Variants in EFL1 observed in about 807,000 individuals in gnomAD.
EFL1 encodes the protein elongation factor-like GTPase 1.
Under a neutral mutation model 126.7 loss-of-function variants are expected in EFL1, and 76 were observed. The ratio of observed to expected loss-of-function variants is 0.60; its 90% CI spans 0.50 to 0.73. EFL1 has a LOEUF of 0.73. EFL1 is among the 30% of genes least tolerant of loss of function. The pLI, the probability that EFL1 is intolerant of heterozygous loss-of-function variation, is 0.00. For synonymous variants in EFL1, 410 were observed against 448.4 expected (o/e 0.91, Z 1.08); for missense variants, 1,128 against 1,343.2 (o/e 0.84, Z 2.50).
intron 15 of EFL1, among the ~76,000 whole-genome samples, chr15:82,180,359 C>CAAAAAAAAAA (rs71156028): frequency 4.1e-5 from 5 of 120,626 alleles, no homozygotes; most frequent in African/African-American, 6.8e-5. Context: ...ATTAAACTGG[C>CAAAAAAAAAA]AAAAAAAAAA....
At chr15:82,256,881 A>G (rs531510131) in intron 3 of EFL1, among the ~76,000 whole-genome samples, 4 of 152,272 alleles carry the variant, frequency 2.6e-5, no homozygotes, top group Admixed American at 2.6e-4. Flanking sequence ...GAGGATGATA[A>G]TTTTTGCATC....
At chr15:82,159,986 C>A (rs993059042) in intron 16 of EFL1, 2 of 152,334 alleles carry the variant, frequency 1.3e-5, no homozygotes, top group Admixed American at 6.5e-5. Context: ...AAGAAGGAAG[C>A]ATTATTGTGG....
intron 18 of EFL1, among the ~76,000 whole-genome samples, chr15:82,149,095 G>A (rs1337295530): frequency 1.3e-5 from 2 of 151,742 alleles, no homozygotes; most frequent in South Asian, 2.1e-4. Flanking sequence ...ATCAGACAAG[G>A]ACACATGAAA....
chr15:82,202,823 T>C (rs2074484243), intron 15 of EFL1, among the ~76,000 whole-genome samples: 2 of 150,118 alleles, frequency 1.3e-5, no homozygotes, highest in South Asian at 4.2e-4. Flanking sequence ...AATTTTTTTT[T>C]TTTTTTGAGA....
chr15:82,241,009 C>T (rs2074925459), intron 5 of EFL1, among the ~76,000 whole-genome samples: 1 of 152,156 alleles, frequency 6.6e-6, no homozygotes, highest in Non-Finnish European at 1.5e-5. Flanking sequence ...AAGATCATGC[C>T]ACTGCACTAA....
At chr15:82,141,166 C>T (rs1430268702) in intron 18 of EFL1, among the ~76,000 whole-genome samples, 1 of 152,124 alleles carries the variant, frequency 6.6e-6, no homozygotes, top group African/African-American at 2.4e-5. Context: ...GATTTATTTA[C>T]ATCCCTCTTG....
intron 15 of EFL1, among the ~76,000 whole-genome samples, chr15:82,205,853 A>C (rs1272732237): frequency 2.6e-5 from 4 of 152,252 alleles, no homozygotes; most frequent in Non-Finnish European, 4.4e-5. Context: ...GTATTAATCT[A>C]TGTGTTCAAA....
In EFL1 at chr15:82,180,388, C is replaced by CA. The variant is rs1249635717; in HGVS notation, c.1751-16405dup. Among the ~76,000 whole-genome samples, 6 of 96,184 alleles carry CA rather than the reference C, an allele frequency of 6.2e-5. 1 individual carries two copies. Among genetic ancestry groups the CA allele is most frequent in the East Asian group, 3.1e-4 (1 of 3,208 alleles). The allele number at this position is 96,184 out of a possible 152,430, so 63.1% of individuals were successfully genotyped here. A position where few individuals can be genotyped will look rare whatever the true frequency, so the allele number is the denominator to read the frequency against. ...AAAAAAAAAACAAAAAAAAAACAAA[C>CA]AAAAAAAACCAGCCAACCACCACCA... On this transcript the variant is annotated intron_variant, in intron 15 of 19. Transcript: ENST00000268206.
At chr15:82,186,266 C>T (rs2074302580) in intron 15 of EFL1, among the ~76,000 whole-genome samples, 1 of 152,150 alleles carries the variant, frequency 6.6e-6, no homozygotes, top group Non-Finnish European at 1.5e-5. Context: ...AGGCACGCTC[C>T]TTTCCATCTT....
intron 4 of EFL1, among the ~76,000 whole-genome samples, chr15:82,251,140 A>G (rs2075017664): frequency 6.6e-6 from 1 of 152,168 alleles, no homozygotes; most frequent in South Asian, 2.1e-4. Flanking sequence ...GGAATCCGGG[A>G]GGCAGAGGCT....
intron 11 of EFL1, among the ~76,000 whole-genome samples, chr15:82,227,231 C>T (rs1382085563): frequency 1.3e-5 from 2 of 152,214 alleles, no homozygotes; most frequent in Non-Finnish European, 2.9e-5. Context: ...TGGTCTCACC[C>T]TACTGCCTGA....
chr15:82,155,815 T>G (rs897371749), intron 17 of EFL1, among the ~76,000 whole-genome samples: 2 of 152,242 alleles, frequency 1.3e-5, no homozygotes, highest in Non-Finnish European at 2.9e-5. Flanking sequence ...TAATTTGCAT[T>G]CCATCAATTA....
chr15:82,161,205 G>C (rs548318232), intron 16 of EFL1, among the ~76,000 whole-genome samples: 1 of 152,164 alleles, frequency 6.6e-6, no homozygotes, highest in East Asian at 1.9e-4. Flanking sequence ...GAGAGGACAT[G>C]GGGATACGTG....
intron 18 of EFL1, among the ~76,000 whole-genome samples, chr15:82,140,413 C>T (rs1288115347): frequency 1.3e-5 from 2 of 152,112 alleles, no homozygotes; most frequent in Non-Finnish European, 2.9e-5. Context: ...CTACTGTCTC[C>T]AATCTTAGTA....
intron 3 of EFL1, among the ~76,000 whole-genome samples, chr15:82,253,050 T>C (rs2141339888): frequency 6.6e-6 from 1 of 152,000 alleles, no homozygotes; most frequent in Middle Eastern, 3.4e-3. Context: ...GAGCCTTTTT[T>C]TTTTTTGAGA....
chr15:82,158,875 G>A (rs2073994118), intron 16 of EFL1, among the ~76,000 whole-genome samples: 1 of 152,228 alleles, frequency 6.6e-6, no homozygotes, highest in Admixed American at 6.5e-5. Flanking sequence ...GCGGTATGAT[G>A]ATTGTTCTCA....
intron 17 of EFL1, among the ~76,000 whole-genome samples, chr15:82,154,348 C>T (rs954538475): frequency 6.6e-6 from 1 of 152,172 alleles, no homozygotes; most frequent in Non-Finnish European, 1.5e-5. Flanking sequence ...GGCCTGGAGA[C>T]AATATAGTCT....
At chr15:82,245,720 C>T (rs545019651) in intron 4 of EFL1, among the ~76,000 whole-genome samples, 7 of 151,986 alleles carry the variant, frequency 4.6e-5, no homozygotes, top group African/African-American at 1.7e-4. Flanking sequence ...ACAGGAAGAT[C>T]ACTTGAGCCA....
At position 82,193,185 on chromosome 15, in the gene EFL1, CTA is replaced by C. The variant is rs1228533051; in HGVS notation, c.1750+21530_1750+21531del. Among the ~76,000 whole-genome samples the C allele has an allele frequency of 5.9e-5, 9 of 152,062 alleles. No individual in the cohort carries two copies. In the East Asian group the frequency reaches 1.7e-3, roughly 29 times the overall value. On this transcript the variant is annotated intron_variant, in intron 15 of 19. Coordinates refer to ENST00000268206, the MANE Select transcript of EFL1 (RefSeq NM_024580.6). ...AAAGCTAAAACACCCTAGGATTTTG[CTA>C]TAGTTTGTGACTACTGGATCCTGAA...
Sources: gnomAD v4.1 joint callset for allele counts (sites outside exome capture counted in the v4.1 genomes callset) on GRCh38, gnomAD v4.1.1 for gene constraint, MANE v1.5 for transcripts, NCBI Gene and HGNC (gene_info 2026-07-23, HGNC 2026-07-21) for gene names.